The following DLC1 variants were observed in gnomAD, a reference collection of about 807,000 sequenced individuals.
DLC1 encodes rho GTPase-activating protein 7.
In DLC1, 54 loss-of-function variants were observed where a neutral mutation model predicts 140.3. The ratio of observed to expected loss-of-function variants is 0.38; its 90% CI spans 0.31 to 0.48. The LOEUF is 0.48. Among genes scored for constraint, DLC1 ranks in the 20% least tolerant of loss-of-function variants. The pLI, the probability that DLC1 is intolerant of heterozygous loss-of-function variation, is 0.96. For synonymous variants in DLC1, 986 were observed against 728.1 expected (o/e 1.35, Z -5.70); for missense variants, 2,536 against 1,907.0 (o/e 1.33, Z -6.14).
intron 2 of DLC1, among the ~76,000 whole-genome samples, chr8:13,453,451 T>TATATATGTATATATATAC (rs1799218558): frequency 5.7e-5 from 2 of 34,982 alleles, no homozygotes; most frequent in South Asian, 9.5e-4. Flanking sequence ...TATATATACA[T>TATATATGTATATATATAC]ATATATATGT....
chr8:13,204,215 G>A (rs1477755748), intron 5 of DLC1, among the ~76,000 whole-genome samples: 3 of 152,156 alleles, frequency 2.0e-5, no homozygotes, highest in South Asian at 2.1e-4. Flanking sequence ...GACGGGACCC[G>A]CGGTTGGATG....
intron 5 of DLC1, among the ~76,000 whole-genome samples, chr8:13,242,790 T>G (rs2117248664): frequency 6.6e-6 from 1 of 152,276 alleles, no homozygotes; most frequent in Non-Finnish European, 1.5e-5. Flanking sequence ...GGAATTGAAA[T>G]CAACTATGAG....
At chr8:13,202,923 C>G (rs1194986520) in intron 5 of DLC1, among the ~76,000 whole-genome samples, 1 of 152,176 alleles carries the variant, frequency 6.6e-6, no homozygotes, top group Admixed American at 6.5e-5. Context: ...ATCCACCCGC[C>G]TCAGCCTCCC....
At chr8:13,544,905 A>G (rs1803604079) in intron 1 of DLC1, among the ~76,000 whole-genome samples, 1 of 152,142 alleles carries the variant, frequency 6.6e-6, no homozygotes, top group Non-Finnish European at 1.5e-5. Flanking sequence ...AACAGTTACC[A>G]CTTAAGAGCC....
chr8:13,112,295 A>T (rs1820181143), intron 6 of DLC1, among the ~76,000 whole-genome samples: 1 of 152,106 alleles, frequency 6.6e-6, no homozygotes, highest in Non-Finnish European at 1.5e-5. Flanking sequence ...ACTGTTCATT[A>T]TGTTTTTATT....
rs934740973 is a variant in DLC1 at position 13,192,751 on chromosome 8, T to C, written c.1349-77094A>G. Among the ~76,000 whole-genome samples, 4 of 152,114 alleles carry C rather than the reference T, an allele frequency of 2.6e-5. 1 individual carries two copies. The South Asian group carries it at 8.3e-4, about 32-fold the overall frequency. On this transcript the variant is annotated intron_variant, in intron 5 of 17. Transcript: ENST00000276297. ...CAGGATCCTGATCCAATAGGACTGGTCTCATAAGAAGAGGAAGAGACACCA... is the reference window on the plus strand; with the variant it reads ...CAGGATCCTGATCCAATAGGACTGGCCTCATAAGAAGAGGAAGAGACACCA...
intron 2 of DLC1, among the ~76,000 whole-genome samples, chr8:13,490,090 C>G (rs1413959237): frequency 6.6e-6 from 1 of 152,102 alleles, no homozygotes. Context: ...CTCATTACAG[C>G]TTACTCCCTT....
Position 13,090,296 on chromosome 8 carries a change from C to T in DLC1, c.4030G>A (p.Val1344Ile). ...KEVKEKFKGWVSYSTSEQAEL... is the reference protein window; with the variant it reads ...KEVKEKFKGWISYSTSEQAEL... ...GCCTGCTCCGAAGTGGAGTAGCTGA[C>T]CCAGCCTTTAAACTTCTCTTTGACT... Residue 1344 changes from valine (V) to isoleucine (I), a missense_variant, in exon 15 of 18, where the codon GTC becomes ATC. Physicochemically the swap from Val to Ile is conservative, Grantham distance 29 (BLOSUM62 3). Transcript: ENST00000276297. 1.2e-6 allele frequency: 2 copies of T among 1,614,180 alleles called. No homozygotes were observed. The highest frequency in any genetic ancestry group is 1.7e-6 in the Non-Finnish European group (2 of 1,180,036).
upstream of DLC1, chr8:13,515,618 C>G (rs1802562359): frequency 6.6e-6 from 1 of 152,194 alleles, no homozygotes; most frequent in Admixed American, 6.5e-5. Context: ...CTCATGGTAT[C>G]TGCATCCTTC....
intron 5 of DLC1, among the ~76,000 whole-genome samples, chr8:13,223,553 C>T (rs1181812553): frequency 1.3e-5 from 2 of 152,126 alleles, no homozygotes; most frequent in Non-Finnish European, 2.9e-5. Context: ...ACATAAAACT[C>T]ACCTTAGTTT....
At chr8:13,261,659 C>T (rs77236434) in intron 5 of DLC1, among the ~76,000 whole-genome samples, 9,739 of 152,040 alleles carry the variant, frequency 0.064, 432 homozygotes, top group South Asian at 0.095. Context: ...GCCAAGTGGT[C>T]AGCGTCTAGA....
intron 5 of DLC1, among the ~76,000 whole-genome samples, chr8:13,190,887 T>G (rs1826712968): frequency 6.6e-6 from 1 of 152,134 alleles, no homozygotes; most frequent in South Asian, 2.1e-4. Context: ...TAACTCCGTT[T>G]CCACCCTTTC....
intron 5 of DLC1, among the ~76,000 whole-genome samples, chr8:13,283,550 C>G (rs1325779388): frequency 6.6e-6 from 1 of 152,160 alleles, no homozygotes; most frequent in East Asian, 1.9e-4. Context: ...AGATCTCACT[C>G]TGTTGCCCAG....
At chr8:13,482,679 G>C (rs1359545564) in intron 2 of DLC1, among the ~76,000 whole-genome samples, 1 of 152,152 alleles carries the variant, frequency 6.6e-6, no homozygotes, top group East Asian at 1.9e-4. Context: ...AGTCAATATA[G>C]CCTGACGTGA....
intron 5 of DLC1, among the ~76,000 whole-genome samples, chr8:13,127,739 T>C (rs1348683367): frequency 2.0e-5 from 3 of 152,218 alleles, no homozygotes; most frequent in African/African-American, 4.8e-5. Flanking sequence ...TGGAAAACTT[T>C]TGTCCCTTAA....
chr8:13,193,833 G>GT (rs764867478), intron 5 of DLC1, among the ~76,000 whole-genome samples: 1 of 152,120 alleles, frequency 6.6e-6, no homozygotes, highest in Non-Finnish European at 1.5e-5. Context: ...GTACTCATTG[G>GT]ATTTCAACCA....
At chr8:13,547,744 A>G (rs755253924) in intron 1 of DLC1, among the ~76,000 whole-genome samples, 1 of 152,020 alleles carries the variant, frequency 6.6e-6, no homozygotes, top group South Asian at 2.1e-4. Context: ...CTCATCTATC[A>G]ATCCCTAACT....
chr8:13,120,462 T>C (rs1820965806), intron 5 of DLC1, among the ~76,000 whole-genome samples: 2 of 150,830 alleles, frequency 1.3e-5, no homozygotes, highest in South Asian at 4.2e-4. Context: ...TATATTATAT[T>C]ACTTTGGACA....
intron 1 of DLC1, chr8:13,567,439 C>G (rs1025228723): frequency 6.4e-7 from 1 of 1,552,060 alleles, no homozygotes; most frequent in Non-Finnish European, 8.7e-7. Flanking sequence ...ACATAAAAAG[C>G]TGCATCTTGG....
Sources: allele counts gnomAD v4.1 joint callset (sites outside exome capture counted in the v4.1 genomes callset), GRCh38; gene constraint gnomAD v4.1.1; transcripts MANE v1.5; gene names NCBI Gene and HGNC (gene_info 2026-07-23, HGNC 2026-07-21).